TYK2: variants seen among roughly 807,000 people sequenced by gnomAD.
TYK2 encodes the protein non-receptor tyrosine-protein kinase TYK2.
Under a neutral mutation model 130.9 loss-of-function variants are expected in TYK2, and 65 were observed. The ratio of observed to expected loss-of-function variants is 0.50; its 90% CI spans 0.41 to 0.61. The LOEUF (loss-of-function observed/expected upper bound fraction) is 0.61. Ranked by LOEUF, TYK2 falls within the 20% of genes least tolerant of loss-of-function variation. TYK2 has a pLI of 0.00. For synonymous variants in TYK2, 647 were observed against 658.9 expected (o/e 0.98, Z 0.28); for missense variants, 1,378 against 1,610.7 (o/e 0.86, Z 2.47).
chr19:10,378,817 C>T (rs1176750241), intron 2 of TYK2, among the ~76,000 whole-genome samples: 4 of 149,392 alleles, frequency 2.7e-5, no homozygotes, highest in East Asian at 2.0e-4. Flanking sequence ...CCTGTTTCTA[C>T]AAGACGTTTT....
chr19:10,354,563 G>T lies in TYK2; in HGVS notation c.2664C>A (p.Asp888Glu), dbSNP rs201456217. Reference sequence around the variant, plus strand: ...AATAGCGCTTGTGGAAAACCGTAGGGTCCGACGCCGGTGAGTCCGGGTTCA... The same window carrying T: ...AATAGCGCTTGTGGAAAACCGTAGGTTCCGACGCCGGTGAGTCCGGGTTCA... The part of the protein sequence containing the change: ...LTVNPDSPAS[D>E]PTVFHKRYLK... The change falls in exon 19 of 25, where the codon GAC becomes GAA. Residue 888 changes from aspartate to glutamate, a missense_variant. Asp to Glu is a conservative substitution (Grantham distance 45, BLOSUM62 2). Transcript: ENST00000525621. 86 of 1,613,926 alleles carry T rather than the reference G, an allele frequency of 5.3e-5. No homozygotes were observed. The highest frequency in any genetic ancestry group is 3.2e-4 in the South Asian group (29 of 91,090).
At chr19:10,377,559 G>A (rs1203404723) in intron 3 of TYK2, among the ~76,000 whole-genome samples, 9 of 103,812 alleles carry the variant, frequency 8.7e-5, no homozygotes, top group Non-Finnish European at 1.2e-4. Context: ...TGGGTGGGTG[G>A]ATGGATGGGT....
intron 23 of TYK2, among the ~76,000 whole-genome samples, chr19:10,351,821 CTT>C: frequency 6.6e-6 from 1 of 152,042 alleles, no homozygotes; most frequent in Non-Finnish European, 1.5e-5. Flanking sequence ...TCACTGCAAC[CTT>C]CGCCTACCGG....
At chr19:10,362,243 G>C in intron 11 of TYK2, 21 bp downstream of exon 11, 1 of 1,613,544 alleles carries the variant, frequency 6.2e-7, no homozygotes, top group Non-Finnish European at 8.5e-7. Context: ...ATCCCACCCA[G>C]AGGTCCCCCT....
At chr19:10,366,289 AG>A (rs2041660286) in intron 6 of TYK2, 127 bp downstream of exon 6, 1 of 968,700 alleles carries the variant, frequency 1.0e-6, no homozygotes, top group African/African-American at 1.7e-5. Context: ...CCTAGGTGAC[AG>A]AGAGAGACTC....
rs2145152401 is a variant in TYK2 at position 10,353,926 on chromosome 19, C to T, written c.2908+116G>A. The T allele has an allele frequency of 8.7e-7, 1 of 1,143,432 alleles. No homozygotes were observed. Among genetic ancestry groups the T allele is most frequent in the Non-Finnish European group, 1.3e-6 (1 of 779,214 alleles). The allele number at this position is 1,143,432 out of a possible 1,614,324, so 70.8% of individuals were successfully genotyped here. A position where few individuals can be genotyped will look rare whatever the true frequency, so the allele number is the denominator to read the frequency against. On this transcript the variant is annotated intron_variant, in intron 20 of 24. Coordinates refer to ENST00000525621, the MANE Select transcript of TYK2 (RefSeq NM_003331.5). The surrounding 1 kb of genome is among the most constrained non-coding windows in gnomAD (Gnocchi z 6.9). Reference sequence around the variant, plus strand: ...CCCAGATGCCAAGAACCGCGTACTGCAGCCTGGGGTTGAGAGTCTCTAATT... The same window carrying T: ...CCCAGATGCCAAGAACCGCGTACTGTAGCCTGGGGTTGAGAGTCTCTAATT...
rs1170446229 is a variant in TYK2 at position 10,364,830 on chromosome 19, A to G, written c.1209+21T>C. On this transcript the variant is annotated intron_variant, in intron 8 of 24. Coordinates refer to ENST00000525621, the MANE Select transcript of TYK2 (RefSeq NM_003331.5). The surrounding 1 kb of genome is among the most constrained non-coding windows in gnomAD (Gnocchi z 4.9). ...CCCAGGCCATGATGGGCCCTAGCCC[A>G]GCCCCTACCCTGGGCCTCACCAGGC... is the stretch of plus-strand genomic sequence containing the variant. 6.2e-7 allele frequency: 1 copy of G among 1,614,014 alleles called. No homozygotes were observed. Among genetic ancestry groups the G allele is most frequent in the Non-Finnish European group, 8.5e-7 (1 of 1,180,048 alleles).
At chr19:10,372,517 T>C (rs1486766591) in intron 3 of TYK2, among the ~76,000 whole-genome samples, 1 of 113,850 alleles carries the variant, frequency 8.8e-6, no homozygotes, top group East Asian at 3.1e-4. Flanking sequence ...TGAGACAGCA[T>C]CTTGCTCTGT....
chr19:10,371,627 ACT>A (rs1467496621), intron 3 of TYK2, among the ~76,000 whole-genome samples: 5 of 151,566 alleles, frequency 3.3e-5, no homozygotes, highest in Admixed American at 1.3e-4. Flanking sequence ...CAGGAGCGAA[ACT>A]CTGTCTCAAA....
Position 10,361,179 on chromosome 19 carries a change from T to C in TYK2, c.2047+332A>G, listed in dbSNP as rs2041382292. On this transcript the variant is annotated intron_variant, in intron 14 of 24. Coordinates refer to ENST00000525621, the MANE Select transcript of TYK2 (RefSeq NM_003331.5). This position sits in a 1 kb window ranked among gnomAD's most constrained non-coding sequence, Gnocchi z 4.0. Reference sequence around the variant, plus strand: ...CACTGGAGTCTGCCTGAGGCCATAGTGCTGATGGGGCCAGGAGCAGATGGG... The same window carrying C: ...CACTGGAGTCTGCCTGAGGCCATAGCGCTGATGGGGCCAGGAGCAGATGGG... The C allele has an allele frequency of 1.9e-6, 1 of 533,812 alleles. No homozygotes were observed. The highest frequency in any genetic ancestry group is 3.5e-5 in the East Asian group (1 of 28,610). The allele number at this position is 533,812 out of a possible 1,614,324, so 33.1% of individuals were successfully genotyped here.
At chr19:10,351,846 C>T (rs12720330) in intron 23 of TYK2, among the ~76,000 whole-genome samples, 3,907 of 151,984 alleles carry the variant, frequency 0.026, 160 homozygotes, top group African/African-American at 0.088. Context: ...TCAAGCAATT[C>T]TCCCTGCCTC....
At chr19:10,356,763 C>T in intron 17 of TYK2, 45 bp from the exon 18 acceptor site, 1 of 1,555,480 alleles carries the variant, frequency 6.4e-7, no homozygotes, top group Non-Finnish European at 8.7e-7. Flanking sequence ...TCCCCTCGCC[C>T]CCAACCCGTT....
rs1439321047 is a variant in TYK2, at chr19:10,366,455, G to A, written c.591C>T (p.Arg197=). ...AFLHLCHLAL[R]HGIPLEEVAK... ...CCACCTCCTCCAGGGGGATGCCATGGCGGAGAGCGAGGTGACAGAGGTGCA... is the reference window on the plus strand; with the variant it reads ...CCACCTCCTCCAGGGGGATGCCATGACGGAGAGCGAGGTGACAGAGGTGCA... Residue 197 remains arginine (R), a synonymous_variant, in exon 6 of 25, where the codon CGC becomes CGT. Transcript: ENST00000525621. The A allele has an allele frequency of 6.2e-7, 1 of 1,614,128 alleles. No individual in the cohort carries two copies. The highest frequency in any genetic ancestry group is 8.5e-7 in the Non-Finnish European group (1 of 1,180,016).
At chr19:10,351,271 G>C (rs905964568) in intron 23 of TYK2, 109 bp from the exon 24 acceptor site, 30 of 817,758 alleles carry the variant, frequency 3.7e-5, no homozygotes, top group Admixed American at 2.2e-4. Context: ...TGGATCACCT[G>C]AGGTCAGGAG....
At position 10,378,520 on chromosome 19, in the gene TYK2, G is replaced by A. The variant is rs549934424; in HGVS notation, c.-20-94C>T. 2.5e-5 allele frequency: 25 copies of A among 984,072 alleles called. No individual in the cohort carries two copies. In the African/African-American group the frequency reaches 3.9e-4, roughly 15 times the overall value. The allele number at this position is 984,072 out of a possible 1,614,324, so 61.0% of individuals were successfully genotyped here. On this transcript the variant is annotated intron_variant, in intron 2 of 24. Coordinates refer to ENST00000525621, the MANE Select transcript of TYK2 (RefSeq NM_003331.5). ...CACCCACCCCAGCTAAGGCCTGAGG[G>A]GAAGATTCTGGGCTCCCATCTTGGC... is the stretch of plus-strand genomic sequence containing the variant.
At chr19:10,372,485 T>TATATATATATATA (rs59201811) in intron 3 of TYK2, among the ~76,000 whole-genome samples, 11 of 39,434 alleles carry the variant, frequency 2.8e-4, no homozygotes, top group African/African-American at 6.7e-4. Flanking sequence ...TATATATATA[T>TATATATATATATA]TTTTTTTTTT....
In TYK2 at chr19:10,353,725, C is replaced by A; in HGVS notation, c.2909-79G>T. The stretch of plus-strand genomic sequence containing the variant: ...CCGCCTACCTTGAGCCCAGCAGAGC[C>A]CCTCCAAGGTCGGGAGGGAAGGCCA... On this transcript the variant is annotated intron_variant, in intron 20 of 24. Coordinates refer to ENST00000525621, the MANE Select transcript of TYK2 (RefSeq NM_003331.5). This position sits in a 1 kb window ranked among gnomAD's most constrained non-coding sequence, Gnocchi z 6.9. The A allele has an allele frequency of 2.6e-6, 3 of 1,152,996 alleles. No homozygotes were observed. The highest frequency in any genetic ancestry group is 3.6e-6 in the Non-Finnish European group (3 of 831,450). 71.4% of individuals were successfully genotyped at this position (1,152,996 alleles called of 1,614,324 possible). A position where few individuals can be genotyped will look rare whatever the true frequency, so the allele number is the denominator to read the frequency against.
In TYK2 at chr19:10,353,713, GC is replaced by G; in HGVS notation, c.2909-68del. On this transcript the variant is annotated intron_variant, in intron 20 of 24. Coordinates refer to ENST00000525621, the MANE Select transcript of TYK2 (RefSeq NM_003331.5). This position sits in a 1 kb window ranked among gnomAD's most constrained non-coding sequence, Gnocchi z 6.9. ...GCGGGCCGGGGACCGCCTACCTTGA[GC>G]CCAGCAGAGCCCCTCCAAGGTCGGG... The G allele has an allele frequency of 1.7e-6, 2 of 1,195,896 alleles. No individual in the cohort carries two copies. Among genetic ancestry groups the G allele is most frequent in the Non-Finnish European group, 2.3e-6 (2 of 870,798 alleles). The allele number at this position is 1,195,896 out of a possible 1,614,324, so 74.1% of individuals were successfully genotyped here.
At chr19:10,375,699 G>A (rs1339069308) in intron 3 of TYK2, among the ~76,000 whole-genome samples, 28 of 148,706 alleles carry the variant, frequency 1.9e-4, no homozygotes, top group Admixed American at 5.5e-4. Flanking sequence ...GGCAGATCAC[G>A]AGGTCAGGAG....
Sources: gnomAD v4.1 joint callset for allele counts (sites outside exome capture counted in the v4.1 genomes callset) on GRCh38, gnomAD v4.1.1 for gene constraint, Gnocchi (gnomAD v3.1) non-coding constraint, MANE v1.5 for transcripts, NCBI Gene and HGNC (gene_info 2026-07-23, HGNC 2026-07-21) for gene names.